Variants in LEPR observed in about 807,000 individuals in gnomAD.
The protein encoded by LEPR is leptin receptor.
Under a neutral mutation model 114.7 loss-of-function variants are expected in LEPR, and 56 were observed. The ratio of observed to expected loss-of-function variants is 0.49; its 90% CI spans 0.39 to 0.61. The LOEUF (loss-of-function observed/expected upper bound fraction) is 0.61. LEPR is among the 20% of genes least tolerant of loss of function. The pLI, the probability that LEPR is intolerant of heterozygous loss-of-function variation, is 0.00. For synonymous variants in LEPR, 443 were observed against 461.4 expected (o/e 0.96, Z 0.51); for missense variants, 1,202 against 1,352.9 (o/e 0.89, Z 1.75).
intron 2 of LEPR, among the ~76,000 whole-genome samples, chr1:65,488,250 T>TTCTTTCTTTCTC (rs1647672322): frequency 7.1e-6 from 1 of 140,256 alleles, no homozygotes; most frequent in Non-Finnish European, 1.5e-5. Flanking sequence ...CTTTCTTTCT[T>TTCTTTCTTTCTC]TCTTTCTTTT....
chr1:65,574,239 G>A (rs757657550), intron 5 of LEPR, among the ~76,000 whole-genome samples: 3 of 152,182 alleles, frequency 2.0e-5, no homozygotes, highest in Non-Finnish European at 4.4e-5. Context: ...GGGCAGTATA[G>A]TGTTGGGAAG....
intron 2 of LEPR, among the ~76,000 whole-genome samples, chr1:65,514,874 A>G (rs1411769690): frequency 2.6e-5 from 4 of 152,260 alleles, no homozygotes; most frequent in Non-Finnish European, 5.9e-5. Context: ...TACTTTAGGA[A>G]ATAGCGAAAC....
intron 2 of LEPR, among the ~76,000 whole-genome samples, chr1:65,436,970 T>G (rs1646572217): frequency 6.6e-6 from 1 of 152,176 alleles, no homozygotes; most frequent in African/African-American, 2.4e-5. Context: ...TCTGTAAAGT[T>G]TCATGATTTC....
At chr1:65,476,727 A>G (rs922496264) in intron 2 of LEPR, among the ~76,000 whole-genome samples, 7 of 152,188 alleles carry the variant, frequency 4.6e-5, no homozygotes, top group African/African-American at 1.4e-4. Flanking sequence ...CTCACAATGC[A>G]CTATGAGATA....
intron 2 of LEPR, chr1:65,427,803 A>AT (rs772450093): frequency 2.1e-4 from 87 of 415,830 alleles, no homozygotes; most frequent in Middle Eastern, 4.4e-4. Flanking sequence ...CACCCAGCTG[A>AT]TTTTTTTTAG....
At chr1:65,599,226 C>T (rs1219670108) in intron 8 of LEPR, among the ~76,000 whole-genome samples, 3 of 151,924 alleles carry the variant, frequency 2.0e-5, no homozygotes, top group African/African-American at 7.3e-5. Context: ...GTTTTCAGTG[C>T]CAATGTTCAT....
At chr1:65,573,338 A>C (rs1570727352) in intron 5 of LEPR, among the ~76,000 whole-genome samples, 1 of 152,238 alleles carries the variant, frequency 6.6e-6, no homozygotes, top group East Asian at 1.9e-4. Flanking sequence ...AGTCTGAAAG[A>C]AGAGTGAACT....
chr1:65,565,674 T>C (rs1356504835), intron 3 of LEPR, 69 bp downstream of exon 3: 2 of 1,550,144 alleles, frequency 1.3e-6, no homozygotes, highest in East Asian at 4.5e-5. Flanking sequence ...TTAGAGATGC[T>C]GTTTTATTTA....
At chr1:65,534,760 A>G (rs1467373827) in intron 2 of LEPR, among the ~76,000 whole-genome samples, 1 of 152,166 alleles carries the variant, frequency 6.6e-6, no homozygotes, top group East Asian at 1.9e-4. Flanking sequence ...TAAATGTTTT[A>G]TCTATTTTCA....
chr1:65,474,778 C>A (rs1022120607), intron 2 of LEPR, among the ~76,000 whole-genome samples: 1 of 151,880 alleles, frequency 6.6e-6, no homozygotes, highest in Non-Finnish European at 1.5e-5. Flanking sequence ...GAGGCCGAGG[C>A]GGGCAGATCA....
intron 2 of LEPR, among the ~76,000 whole-genome samples, chr1:65,468,169 G>A (rs1006633205): frequency 3.3e-5 from 5 of 152,106 alleles, no homozygotes; most frequent in African/African-American, 1.2e-4. Flanking sequence ...TGGCCATCTT[G>A]GAAGCAACTG....
intron 2 of LEPR, among the ~76,000 whole-genome samples, chr1:65,462,987 C>T (rs1646965155): frequency 6.6e-6 from 1 of 152,134 alleles, no homozygotes; most frequent in Non-Finnish European, 1.5e-5. Context: ...TGTACAGAAG[C>T]TCTTTAGTTT....
chr1:65,582,486 T>C (rs1208508758), intron 5 of LEPR, among the ~76,000 whole-genome samples: 4 of 152,124 alleles, frequency 2.6e-5, no homozygotes, highest in Admixed American at 6.6e-5. Flanking sequence ...GATCTCCCCA[T>C]AGGACAGCCT....
At chr1:65,502,587 T>A (rs1448285713) in intron 2 of LEPR, among the ~76,000 whole-genome samples, 1 of 152,036 alleles carries the variant, frequency 6.6e-6, no homozygotes, top group African/African-American at 2.4e-5. Flanking sequence ...TAACAATAAA[T>A]AAGTAAAATA....
chr1:65,557,801 A>C (rs761470818), intron 2 of LEPR, among the ~76,000 whole-genome samples: 12 of 152,122 alleles, frequency 7.9e-5, no homozygotes, highest in Non-Finnish European at 1.5e-4. Flanking sequence ...TCTCTCATTG[A>C]ATCTATGTCA....
At chr1:65,454,421 C>T (rs1422619836) in intron 2 of LEPR, among the ~76,000 whole-genome samples, 2 of 151,832 alleles carry the variant, frequency 1.3e-5, no homozygotes, top group South Asian at 2.1e-4. Flanking sequence ...CGGCTGGTAC[C>T]GGTTGTTCCT....
rs1158651539 is a variant in LEPR at position 65,621,470 on chromosome 1, G to A, written c.2597+12G>A. The A allele has an allele frequency of 1.2e-6, 2 of 1,607,452 alleles. No homozygotes were observed. The highest frequency in any genetic ancestry group is 2.2e-5 in the East Asian group (1 of 44,692). The stretch of plus-strand genomic sequence containing the variant: ...ATATCACACCAAAGGTATTGTACTT[G>A]AGGTTAAGAATCTTTACGGCAAAAG... On this transcript the variant is annotated intron_variant, in intron 18 of 19. Coordinates refer to ENST00000349533, the MANE Select transcript of LEPR (RefSeq NM_002303.6).
At chr1:65,538,461 GT>G (rs1231671662) in intron 2 of LEPR, among the ~76,000 whole-genome samples, 1 of 151,824 alleles carries the variant, frequency 6.6e-6, no homozygotes, top group Non-Finnish European at 1.5e-5. Flanking sequence ...GTCGTTTTTG[GT>G]TTTCTCCTCA....
At chr1:65,609,385 TCAAA>T (rs1486790673) in intron 12 of LEPR, among the ~76,000 whole-genome samples, 5 of 152,238 alleles carry the variant, frequency 3.3e-5, no homozygotes, top group South Asian at 2.1e-4. Flanking sequence ...AAGCTGCTTT[TCAAA>T]CAAACAGAGT....
Sources: gnomAD v4.1 joint callset for allele counts (sites outside exome capture counted in the v4.1 genomes callset) on GRCh38, gnomAD v4.1.1 for gene constraint, MANE v1.5 for transcripts, NCBI Gene and HGNC (gene_info 2026-07-23, HGNC 2026-07-21) for gene names.